The following F8 variants were observed in gnomAD, a reference collection of about 807,000 sequenced individuals.
F8 encodes coagulation factor VIII.
In F8, 12 loss-of-function variants were observed where a neutral mutation model predicts 140.6. The observed-to-expected ratio is 0.09, with a 90% confidence interval of 0.05 to 0.14. The LOEUF is 0.14. F8 is among the 10% of genes least tolerant of loss of function. The pLI is 1.00. For synonymous variants in F8, 585 were observed against 614.6 expected, an observed-to-expected ratio of 0.95 and a Z score of 0.71; for missense variants, 1,354 against 1,720.7, an observed-to-expected ratio of 0.79 and a Z score of 3.77.
chrX:154,997,285 A>G (rs2073622874), intron 2 of F8, among the ~76,000 whole-genome samples, 190 bp from the exon 3 acceptor site: 1 of 112,500 alleles, frequency 8.9e-6, no homozygotes, highest in Non-Finnish European at 1.9e-5. Flanking sequence ...TCTGGCAATC[A>G]TTCAATTCAT....
chrX:154,974,242 C>T (rs1184837442), intron 6 of F8, among the ~76,000 whole-genome samples: 1 of 111,767 alleles, frequency 8.9e-6, no homozygotes, highest in African/African-American at 3.3e-5. Flanking sequence ...TATTCCAGTT[C>T]TTAAAGGAAA....
intron 25 of F8, among the ~76,000 whole-genome samples, chrX:154,859,568 C>T (rs1435075083): frequency 1.8e-5 from 2 of 111,448 alleles, no homozygotes; most frequent in East Asian, 5.6e-4. Flanking sequence ...TCCCAAAGTG[C>T]TGGGATTACA....
intron 9 of F8, among the ~76,000 whole-genome samples, chrX:154,964,402 T>TGAAGAAAAATTGTACAATAATAGC (rs1377534981): frequency 6.3e-5 from 7 of 111,417 alleles, no homozygotes; most frequent in Non-Finnish European, 1.1e-4. Context: ...ACAAAATTTA[T>TGAAGAAAAATTGTACAATAATAGC]GAAGAAAAAT....
At chrX:154,997,436 T>C (rs2073623513) in intron 2 of F8, among the ~76,000 whole-genome samples, 1 of 112,108 alleles carries the variant, frequency 8.9e-6, no homozygotes, top group Admixed American at 9.5e-5. Context: ...AATTTCAAGT[T>C]GTTATAAATA....
intron 18 of F8, among the ~76,000 whole-genome samples, chrX:154,902,787 G>T (rs1557276049): frequency 8.9e-6 from 1 of 112,155 alleles, no homozygotes; most frequent in Non-Finnish European, 1.9e-5. Flanking sequence ...TTACAACAAT[G>T]GTGCCAGCTG....
In F8 at chrX:154,836,075, T is replaced by C. The variant is rs2072472695; in HGVS notation, c.*1522A>G. 8.9e-6 allele frequency: 1 copy of C among 112,336 alleles called. No individual in the cohort carries two copies. Among genetic ancestry groups the C allele is most frequent in the African/African-American group, 3.2e-5 (1 of 30,912 alleles). 9.3% of individuals were successfully genotyped at this position (112,336 alleles called of 1,213,427 possible). On this transcript the variant is annotated 3_prime_UTR_variant, in exon 26 of 26. Coordinates refer to ENST00000360256, the MANE Select transcript of F8 (RefSeq NM_000132.4). Reference sequence around the variant, plus strand: ...CTATAAACCATTTGCACCTGCATCATTTGTGGATTGTGACTATACTGTGAC... The same window carrying C: ...CTATAAACCATTTGCACCTGCATCACTTGTGGATTGTGACTATACTGTGAC...
intron 13 of F8, among the ~76,000 whole-genome samples, chrX:154,937,646 AAC>A (rs1267969017): frequency 1.2e-4 from 13 of 111,635 alleles, no homozygotes; most frequent in Non-Finnish European, 2.3e-4. Context: ...TTTCTAGAAA[AAC>A]ACAATTGACA....
At chrX:154,980,867 TGAG>T in intron 6 of F8, among the ~76,000 whole-genome samples, 1 of 111,716 alleles carries the variant, frequency 9.0e-6, no homozygotes, top group South Asian at 3.7e-4. Context: ...CTCTGGAGGC[TGAG>T]GTGGGAAGAC....
intron 13 of F8, among the ~76,000 whole-genome samples, chrX:154,933,166 C>T (rs1411120135): frequency 3.6e-5 from 4 of 110,600 alleles, no homozygotes; most frequent in African/African-American, 6.6e-5. Flanking sequence ...AATTTCAATC[C>T]AAGAACTTAG....
chrX:154,866,568 A>G (rs1283361277), intron 22 of F8, among the ~76,000 whole-genome samples: 7 of 112,278 alleles, frequency 6.2e-5, no homozygotes, highest in African/African-American at 9.7e-5. Context: ...CTACAAATCA[A>G]TAACAATAAG....
intron 25 of F8, among the ~76,000 whole-genome samples, chrX:154,846,769 G>A (rs2072569944): frequency 9.0e-6 from 1 of 111,683 alleles, no homozygotes; most frequent in Non-Finnish European, 1.9e-5. Context: ...AATTGGAGCA[G>A]TTAGCCCATT....
intron 1 of F8, among the ~76,000 whole-genome samples, chrX:155,003,464 A>G (rs1276932340): frequency 9.0e-6 from 1 of 110,544 alleles, no homozygotes; most frequent in African/African-American, 3.3e-5. Flanking sequence ...GGCAGAGGCT[A>G]TGCATGGGCC....
chrX:154,912,949 G>A (rs1557276862), intron 14 of F8, among the ~76,000 whole-genome samples: 2 of 110,256 alleles, frequency 1.8e-5, no homozygotes, highest in Admixed American at 1.9e-4. Context: ...AACAGCATGG[G>A]GGAACCTGCC....
intron 21 of F8, among the ~76,000 whole-genome samples, chrX:154,898,477 G>A (rs1053296758): frequency 3.6e-5 from 4 of 111,929 alleles, no homozygotes; most frequent in Non-Finnish European, 7.5e-5. Flanking sequence ...GGAGCATTCC[G>A]GAAACAGTGT....
intron 13 of F8, among the ~76,000 whole-genome samples, chrX:154,946,449 A>T (rs183919381): frequency 2.5e-4 from 28 of 112,559 alleles, no homozygotes; most frequent in African/African-American, 8.7e-4. Context: ...CACCTTTGAC[A>T]AAGTGCCAAG....
chrX:154,877,970 T>C (rs1299782469), intron 22 of F8, among the ~76,000 whole-genome samples: 1 of 111,329 alleles, frequency 9.0e-6, no homozygotes, highest in African/African-American at 3.3e-5. Flanking sequence ...TGCCAGGCAT[T>C]GTGCTAGAAG....
intron 22 of F8, among the ~76,000 whole-genome samples, chrX:154,873,139 A>G (rs2148572964): frequency 9.0e-6 from 1 of 111,139 alleles, no homozygotes; most frequent in Admixed American, 9.5e-5. Flanking sequence ...TGTGATCCCT[A>G]TCAAAATCTC....
chrX:154,923,478 G>A lies in F8; in HGVS notation c.5219+5093C>T, dbSNP rs1466223403. On this transcript the variant is annotated intron_variant, in intron 14 of 25. Coordinates refer to ENST00000360256, the MANE Select transcript of F8 (RefSeq NM_000132.4). ...GGTGGGAGGTAATTGAATCATGGGG[G>A]CAGATCTTTCCTATGCTGTTCTTGT... Among the ~76,000 whole-genome samples, 3 of 111,967 alleles carry A rather than the reference G, an allele frequency of 2.7e-5. No homozygotes were observed. The East Asian group carries it at 8.4e-4, about 31-fold the overall frequency.
At chrX:154,867,632 G>A (rs782710521) in intron 22 of F8, among the ~76,000 whole-genome samples, 7 of 97,720 alleles carry the variant, frequency 7.2e-5, no homozygotes, top group African/African-American at 2.7e-4. Context: ...AGGTTGTAGT[G>A]AGCCAAGATC....
Sources: gnomAD v4.1 joint callset for allele counts (sites outside exome capture counted in the v4.1 genomes callset) on GRCh38, gnomAD v4.1.1 for gene constraint, MANE v1.5 for transcripts, NCBI Gene and HGNC (gene_info 2026-07-23, HGNC 2026-07-21) for gene names.